Variants in FAM9B observed in about 807,000 individuals in gnomAD.
FAM9B encodes protein FAM9B.
In FAM9B, 18 loss-of-function variants were observed where a neutral mutation model predicts 16.6. The ratio of observed to expected loss-of-function variants is 1.09; its 90% CI spans 0.75 to 1.61. The LOEUF is 1.61. Ranked by LOEUF, FAM9B falls within the 40% of genes most tolerant of loss-of-function variation. The pLI is 0.00. For missense variants in FAM9B, 155 were observed against 136.0 expected (o/e 1.14, Z -0.70); for synonymous variants, 43 against 42.6 (o/e 1.01, Z -0.03).
At chrX:9,031,932 G>T in intron 4 of FAM9B, 198 bp downstream of exon 4, 1 of 398,491 alleles carries the variant, frequency 2.5e-6, no homozygotes, top group Non-Finnish European at 4.4e-6. Flanking sequence ...ATTATTAGAA[G>T]CATTCTCACA....
At chrX:9,030,165 C>T (rs748373718) in intron 5 of FAM9B, 96 bp downstream of exon 5, 13 of 1,151,508 alleles carry the variant, frequency 1.1e-5, no homozygotes, top group Admixed American at 1.1e-4. Flanking sequence ...TCACTAGAGA[C>T]GCCAATATGT....
chrX:9,025,643 G>C, intron 7 of FAM9B, 60 bp from the exon 8 acceptor site: 1 of 896,063 alleles, frequency 1.1e-6, no homozygotes, highest in Non-Finnish European at 1.6e-6. Flanking sequence ...ATTTTAAACA[G>C]GGTTAATTAA....
intron 5 of FAM9B, 108 bp downstream of exon 5, chrX:9,030,153 G>A: frequency 4.4e-6 from 5 of 1,148,510 alleles, no homozygotes; most frequent in Non-Finnish European, 5.8e-6. Flanking sequence ...AAAATATGTT[G>A]TTCACTAGAG....
In FAM9B at chrX:9,033,917, GA is replaced by G; in HGVS notation, c.-156del. On this transcript the variant is annotated 5_prime_UTR_variant, in exon 1 of 9. Coordinates refer to ENST00000327220, the MANE Select transcript of FAM9B (RefSeq NM_205849.3). ...GCAGCGGCACCACTAGGACCTCTTA[GA>G]AAACGGGTCCTCTCAGGAAGCTGAG... is the stretch of plus-strand genomic sequence containing the variant. The G allele has an allele frequency of 5.3e-6, 4 of 753,513 alleles. No homozygotes were observed. Among genetic ancestry groups the G allele is most frequent in the Non-Finnish European group, 6.3e-6 (4 of 639,148 alleles). The allele number at this position is 753,513 out of a possible 1,213,427, so 62.1% of individuals were successfully genotyped here. A position where few individuals can be genotyped will look rare whatever the true frequency, so the allele number is the denominator to read the frequency against.
chrX:9,033,785 G>A (rs1921171504), intron 1 of FAM9B, 67 bp downstream of exon 1: 16 of 747,175 alleles, frequency 2.1e-5, no homozygotes, highest in South Asian at 1.4e-4. Flanking sequence ...GCTGCCCAGC[G>A]CTTCACACCC....
In FAM9B at chrX:9,027,919, A is replaced by G; in HGVS notation, c.441T>C (p.Val147=). The change falls in exon 7 of 9, where the codon GTT becomes GTC. Residue 147 remains valine (V), a synonymous_variant. Coordinates refer to ENST00000327220, the MANE Select transcript of FAM9B (RefSeq NM_205849.3). ...QQKKWQQYRS[V]RRERLKEMKL... ...TCATCTCTTTCAGCCTCTCTCTCCT[A>G]ACACTTCTATATTGTTGCCACTTCT... The G allele has an allele frequency of 8.3e-7, 1 of 1,210,730 alleles. No individual in the cohort carries two copies. The highest frequency in any genetic ancestry group is 1.8e-5 in the South Asian group (1 of 56,971).
At chrX:9,032,867 C>A (rs1921127457) in intron 2 of FAM9B, 92 bp downstream of exon 2, 2 of 1,134,520 alleles carry the variant, frequency 1.8e-6, no homozygotes, top group Non-Finnish European at 2.4e-6. Flanking sequence ...GGCCTGGGGC[C>A]TCGGGCTGCC....
At chrX:9,033,268 A>G in intron 1 of FAM9B, 193 bp from the exon 2 acceptor site, 1 of 1,087,605 alleles carries the variant, frequency 9.2e-7, no homozygotes, top group Non-Finnish European at 1.2e-6. Context: ...GCTGGCTGCA[A>G]AGCTCACAGC....
At chrX:9,033,250 TC>T in intron 1 of FAM9B, 175 bp from the exon 2 acceptor site, 1 of 1,089,253 alleles carries the variant, frequency 9.2e-7, no homozygotes, top group South Asian at 2.4e-5. Flanking sequence ...GTCCAGCCCG[TC>T]CCCGGGGCTG....
intron 4 of FAM9B, chrX:9,031,902 G>T: frequency 2.8e-6 from 1 of 363,087 alleles, no homozygotes; most frequent in Non-Finnish European, 4.8e-6. Flanking sequence ...TGAAAGAAAA[G>T]CCATCCATCT....
chrX:9,032,298 A>T (rs772525351), intron 3 of FAM9B, 43 bp downstream of exon 3: 1 of 1,208,848 alleles, frequency 8.3e-7, no homozygotes, highest in East Asian at 3.0e-5. Context: ...GACTTTTCCT[A>T]AAAGACCCTA....
intron 7 of FAM9B, among the ~76,000 whole-genome samples, chrX:9,026,890 G>T (rs1423554190): frequency 1.8e-5 from 2 of 111,650 alleles, no homozygotes; most frequent in Non-Finnish European, 3.8e-5. Context: ...ATAACTGTTT[G>T]TGTATAGATA....
rs1450224801 is a variant in FAM9B at position 9,025,120 on chromosome X, A to C, written c.*289T>G. The C allele has an allele frequency of 3.3e-5, 4 of 120,047 alleles. No individual in the cohort carries two copies. The highest frequency in any genetic ancestry group is 1.3e-4 in the African/African-American group (4 of 31,380). The allele number at this position is 120,047 out of a possible 1,213,427, so 9.9% of individuals were successfully genotyped here. A position where few individuals can be genotyped will look rare whatever the true frequency, so the allele number is the denominator to read the frequency against. ...TGTTAAAATTTAATTGACCGTGTAC[A>C]TAACTATGCAATCCCTGCTTTCTCA... On this transcript the variant is annotated 3_prime_UTR_variant, in exon 9 of 9. Transcript: ENST00000327220.
chrX:9,027,809 G>T (rs199641639), intron 7 of FAM9B, 59 bp downstream of exon 7: 1 of 921,465 alleles, frequency 1.1e-6, no homozygotes, highest in Non-Finnish European at 1.6e-6. Flanking sequence ...CAAGCAGACT[G>T]TCTTCTATTA....
chrX:9,034,053 A>C lies in FAM9B; in HGVS notation c.-291T>G. ...CAGACTCCGTCCCAAAAAAAACAAAACAAAAAAACAAAAAAAAAGAAAAGT... is the reference window on the plus strand; with the variant it reads ...CAGACTCCGTCCCAAAAAAAACAAACCAAAAAAACAAAAAAAAAGAAAAGT... On this transcript the variant is annotated 5_prime_UTR_variant, in exon 1 of 9. Transcript: ENST00000327220. 4 of 220,844 alleles carry C rather than the reference A, an allele frequency of 1.8e-5. No homozygotes were observed. The highest frequency in any genetic ancestry group is 2.0e-5 in the Non-Finnish European group (3 of 152,230). 18.2% of individuals were successfully genotyped at this position (220,844 alleles called of 1,213,427 possible). A position where few individuals can be genotyped will look rare whatever the true frequency, so the allele number is the denominator to read the frequency against.
intron 3 of FAM9B, 49 bp from the exon 4 acceptor site, chrX:9,032,210 C>T: frequency 1.7e-6 from 2 of 1,194,293 alleles, no homozygotes; most frequent in African/African-American, 1.8e-5. Context: ...ACACAAAATG[C>T]CATGTTTGTT....
rs1921173892 is a variant in FAM9B, at chrX:9,033,896, C to T, written c.-134G>A. The T allele has an allele frequency of 1.3e-6, 1 of 752,776 alleles. No individual in the cohort carries two copies. The highest frequency in any genetic ancestry group is 6.8e-5 in the South Asian group (1 of 14,728). The allele number at this position is 752,776 out of a possible 1,213,427, so 62.0% of individuals were successfully genotyped here. A position where few individuals can be genotyped will look rare whatever the true frequency, so the allele number is the denominator to read the frequency against. On this transcript the variant is annotated 5_prime_UTR_variant, in exon 1 of 9. Transcript: ENST00000327220. ...GCGCCCTCAAAGAACCTGCAGGCAGCGGCACCACTAGGACCTCTTAGAAAA... is the reference window on the plus strand; with the variant it reads ...GCGCCCTCAAAGAACCTGCAGGCAGTGGCACCACTAGGACCTCTTAGAAAA...
Position 9,029,337 on chromosome X carries a change from T to G in FAM9B, c.363A>C (p.Glu121Asp). The change falls in exon 6 of 9, where the codon GAA becomes GAC. Residue 121 changes from glutamate (E) to aspartate (D), a missense_variant. By Grantham distance (45) the Glu-to-Asp change is conservative (BLOSUM62 2). Coordinates refer to ENST00000327220, the MANE Select transcript of FAM9B (RefSeq NM_205849.3). Reference protein sequence around the residue: ...EYITDEQKEEEEEEGEEEELI... With the variant: ...EYITDEQKEEDEEEGEEEELI... The stretch of plus-strand genomic sequence containing the variant: ...GTTCTTCCTCTTCTCCCTCTTCTTC[T>G]TCTTCCTCTTTCTGCTCGTCTGTGA... The G allele has an allele frequency of 8.3e-7, 1 of 1,207,608 alleles. No individual in the cohort carries two copies. The highest frequency in any genetic ancestry group is 1.8e-5 in the South Asian group (1 of 56,622).
intron 2 of FAM9B, 146 bp from the exon 3 acceptor site, chrX:9,032,607 A>T (rs760825913): frequency 5.5e-5 from 50 of 910,047 alleles, no homozygotes; most frequent in Non-Finnish European, 7.2e-5. Flanking sequence ...TATACATGGA[A>T]TCACCGGTTC....
Sources: gnomAD v4.1 joint callset for allele counts (sites outside exome capture counted in the v4.1 genomes callset) on GRCh38, gnomAD v4.1.1 for gene constraint, MANE v1.5 for transcripts, NCBI Gene and HGNC (gene_info 2026-07-23, HGNC 2026-07-21) for gene names.